GPD2: variants seen among roughly 807,000 people sequenced by gnomAD.
GPD2 encodes glycerol-3-phosphate dehydrogenase, mitochondrial.
A neutral mutation model predicts 82.4 loss-of-function variants in GPD2; 54 were observed. That is an observed-to-expected ratio of 0.66 (90% CI 0.53 to 0.82). The LOEUF is 0.82. GPD2 is among the 40% of genes least tolerant of loss of function. GPD2 has a pLI of 0.00. For missense variants in GPD2, 748 were observed against 896.2 expected (o/e 0.83, Z 2.11); for synonymous variants, 288 against 306.1 (o/e 0.94, Z 0.62).
chr2:156,432,699 A>G (rs1688331107), upstream of GPD2, among the ~76,000 whole-genome samples: 1 of 152,240 alleles, frequency 6.6e-6, no homozygotes, highest in East Asian at 1.9e-4. Context: ...GTTTTATTGG[A>G]GAAAATTATC....
At chr2:156,516,756 C>A (rs545021241) in intron 6 of GPD2, among the ~76,000 whole-genome samples, 1 of 152,216 alleles carries the variant, frequency 6.6e-6, no homozygotes, top group African/African-American at 2.4e-5. Flanking sequence ...ATCAAATGAA[C>A]ATTTAATGCT....
intron 1 of GPD2, among the ~76,000 whole-genome samples, chr2:156,447,188 C>T (rs1303099510): frequency 6.6e-6 from 1 of 152,212 alleles, no homozygotes; most frequent in East Asian, 1.9e-4. Context: ...ACCTGTGCCC[C>T]ATTCTGCCCT....
rs549195849 is a variant in GPD2, at chr2:156,578,689, T to A, written c.1768-200T>A. Among the ~76,000 whole-genome samples, 3 of 152,332 alleles carry A rather than the reference T, an allele frequency of 2.0e-5. 1 individual carries two copies. In the South Asian group the frequency reaches 6.2e-4, roughly 32 times the overall value. Reference sequence around the variant, plus strand: ...GAGGAAAGTTTTAGGGTGATGGAGATGCTGTAGATCTTAATCATGGTAGTA... The same window carrying A: ...GAGGAAAGTTTTAGGGTGATGGAGAAGCTGTAGATCTTAATCATGGTAGTA... On this transcript the variant is annotated intron_variant, in intron 13 of 16. Coordinates refer to ENST00000438166, the MANE Select transcript of GPD2 (RefSeq NM_000408.5).
chr2:156,433,064 G>T (rs1269603039), upstream of GPD2, among the ~76,000 whole-genome samples: 1 of 152,186 alleles, frequency 6.6e-6, no homozygotes, highest in Admixed American at 6.5e-5. Context: ...GCAAAATTAT[G>T]ACCTAGACAG....
At chr2:156,506,711 C>T (rs1684796824) in intron 3 of GPD2, among the ~76,000 whole-genome samples, 1 of 152,104 alleles carries the variant, frequency 6.6e-6, no homozygotes, top group Non-Finnish European at 1.5e-5. Flanking sequence ...TGTTATATGA[C>T]ACTGGTCCTC....
chr2:156,559,652 C>T (rs938373464), intron 9 of GPD2, among the ~76,000 whole-genome samples: 4 of 152,010 alleles, frequency 2.6e-5, no homozygotes, highest in African/African-American at 4.8e-5. Flanking sequence ...TGCTTTTAAT[C>T]TAAAGTAATG....
chr2:156,566,805 T>C (rs79874211), intron 9 of GPD2, among the ~76,000 whole-genome samples: 5,133 of 152,190 alleles, frequency 0.034, 296 homozygotes, highest in African/African-American at 0.12. Context: ...GCTGCACCAT[T>C]TTACCTTCTA....
At chr2:156,425,848 G>T in the GPD2 span, among the ~76,000 whole-genome samples, 1 of 152,060 alleles carries the variant, frequency 6.6e-6, no homozygotes, top group African/African-American at 2.4e-5. Context: ...TACAGTCCGG[G>T]TGTGTGATAA....
the GPD2 span, among the ~76,000 whole-genome samples, chr2:156,425,844 C>T: frequency 6.6e-6 from 1 of 152,048 alleles, no homozygotes; most frequent in South Asian, 2.1e-4. Flanking sequence ...ATACTACAGT[C>T]CGGGTGTGTG....
At chr2:156,482,774 A>G (rs768108385) in intron 2 of GPD2, among the ~76,000 whole-genome samples, 5 of 152,180 alleles carry the variant, frequency 3.3e-5, no homozygotes, top group Admixed American at 6.5e-5. Flanking sequence ...AGGAAATACT[A>G]TAGTTCACTC....
intron 6 of GPD2, among the ~76,000 whole-genome samples, chr2:156,523,134 C>A (rs775867650): frequency 6.6e-6 from 1 of 152,152 alleles, no homozygotes. Flanking sequence ...AAGTTTCACT[C>A]TTGGTGTACA....
chr2:156,542,141 G>A (rs138406679), intron 6 of GPD2, among the ~76,000 whole-genome samples: 2 of 151,978 alleles, frequency 1.3e-5, no homozygotes, highest in East Asian at 1.9e-4. Flanking sequence ...ACAATGTTTC[G>A]TTTATATGGG....
intron 6 of GPD2, among the ~76,000 whole-genome samples, chr2:156,546,421 G>T (rs999312807): frequency 6.6e-6 from 1 of 152,172 alleles, no homozygotes. Flanking sequence ...AGGAAAGAGG[G>T]TTGGGGAAAT....
chr2:156,515,475 A>G (rs1313572331), intron 6 of GPD2, among the ~76,000 whole-genome samples: 1 of 151,890 alleles, frequency 6.6e-6, no homozygotes, highest in Non-Finnish European at 1.5e-5. Context: ...TGAATTATAG[A>G]TTCTTATTTG....
At chr2:156,431,422 A>T (rs1688315281), upstream of GPD2, among the ~76,000 whole-genome samples, 2 of 152,194 alleles carry the variant, frequency 1.3e-5, no homozygotes, top group South Asian at 4.2e-4. Context: ...TTTGGTTTTA[A>T]TACTATAAGC....
intron 1 of GPD2, among the ~76,000 whole-genome samples, chr2:156,464,517 A>T (rs1389591451): frequency 6.6e-6 from 1 of 152,128 alleles, no homozygotes; most frequent in Non-Finnish European, 1.5e-5. Flanking sequence ...TTTCCTAGGG[A>T]TCTTCTCTCT....
chr2:156,430,926 T>C (rs1259026702), upstream of GPD2, among the ~76,000 whole-genome samples: 1 of 152,214 alleles, frequency 6.6e-6, no homozygotes, highest in Admixed American at 6.5e-5. Context: ...TCTCCAAGTT[T>C]GGGAAGGAAA....
chr2:156,525,461 C>T (rs922888896), intron 6 of GPD2, among the ~76,000 whole-genome samples: 47 of 152,270 alleles, frequency 3.1e-4, no homozygotes, highest in Non-Finnish European at 4.7e-4. Flanking sequence ...AATCTATTTG[C>T]TATGAAGGTT....
chr2:156,574,914 G>T (rs1458113521), intron 13 of GPD2, among the ~76,000 whole-genome samples: 1 of 152,148 alleles, frequency 6.6e-6, no homozygotes, highest in Non-Finnish European at 1.5e-5. Context: ...GGAGAGTAAG[G>T]AGAACTATTC....
Sources: gnomAD v4.1 joint callset for allele counts (sites outside exome capture counted in the v4.1 genomes callset) on GRCh38, gnomAD v4.1.1 for gene constraint, MANE v1.5 for transcripts, NCBI Gene and HGNC (gene_info 2026-07-23, HGNC 2026-07-21) for gene names.